Variants in PIK3R6 observed in about 807,000 individuals in gnomAD.
The protein encoded by PIK3R6 is phosphoinositide 3-kinase regulatory subunit 6.
In PIK3R6, 91 loss-of-function variants were observed where a neutral mutation model predicts 84.9. The observed-to-expected ratio is 1.07, with a 90% CI of 0.90 to 1.28. The LOEUF (loss-of-function observed/expected upper bound fraction) is 1.28. Among genes scored for constraint, PIK3R6 ranks in the 50% most tolerant of loss-of-function variants. The pLI is 0.00. For synonymous variants in PIK3R6, 416 were observed against 411.4 expected (o/e 1.01, Z -0.13); for missense variants, 996 against 985.1 (o/e 1.01, Z -0.15).
chr17:8,857,405 C>T (rs2089167254), intron 1 of PIK3R6, among the ~76,000 whole-genome samples: 1 of 152,184 alleles, frequency 6.6e-6, no homozygotes, highest in Admixed American at 6.5e-5. Context: ...GGGGTCATGG[C>T]CACTTCCCCT....
At position 8,838,245 on chromosome 17, in the gene PIK3R6, G is replaced by A. The variant is rs1408724841; in HGVS notation, c.189+319C>T. 1.6e-5 allele frequency: 7 copies of A among 433,770 alleles called. No individual in the cohort carries two copies. In the East Asian group the frequency reaches 2.2e-4, roughly 14 times the overall value. 26.9% of individuals were successfully genotyped at this position (433,770 alleles called of 1,614,324 possible). A position where few individuals can be genotyped will look rare whatever the true frequency, so the allele number is the denominator to read the frequency against. On this transcript the variant is annotated intron_variant, in intron 4 of 19. Transcript: ENST00000619866. ...GTGTGAAGGAGAATTTAGGTGGCCC[G>A]AGGATAATTTTGAGAAACGTCAATA...
At chr17:8,826,592 A>T (rs1365242626) in intron 13 of PIK3R6, among the ~76,000 whole-genome samples, 2 of 152,152 alleles carry the variant, frequency 1.3e-5, no homozygotes, top group African/African-American at 4.8e-5. Context: ...ACACATGGAC[A>T]CAGGGAGTGG....
chr17:8,809,793 GACATTT>G (rs2151177636), intron 18 of PIK3R6, among the ~76,000 whole-genome samples: 1 of 152,166 alleles, frequency 6.6e-6, no homozygotes, highest in South Asian at 2.1e-4. Flanking sequence ...AACTGTTAAA[GACATTT>G]ACACTCTAAG....
chr17:8,807,571 G>T (rs909740162), intron 18 of PIK3R6, among the ~76,000 whole-genome samples: 2 of 152,114 alleles, frequency 1.3e-5, no homozygotes, highest in Non-Finnish European at 2.9e-5. Flanking sequence ...GTCTCAACTT[G>T]TAGGATGAGT....
chr17:8,819,955 AT>A (rs71361825), intron 17 of PIK3R6, among the ~76,000 whole-genome samples: 32,134 of 135,518 alleles, frequency 0.24, 4,053 homozygotes, highest in East Asian at 0.42. Flanking sequence ...ATATATATAT[AT>A]TTTTTTTTTG....
At position 8,844,160 on chromosome 17, in the gene PIK3R6, T is replaced by G. The variant is rs2088761304; in HGVS notation, c.14-4463A>C. Reference sequence around the variant, plus strand: ...CTCTGATGCCACAGCAAAGGTCTCCTGAGCCATCTTCACCAGAGCACGAGA... The same window carrying G: ...CTCTGATGCCACAGCAAAGGTCTCCGGAGCCATCTTCACCAGAGCACGAGA... On this transcript the variant is annotated intron_variant, in intron 2 of 19. Coordinates refer to ENST00000619866, the MANE Select transcript of PIK3R6 (RefSeq NM_001010855.4). The surrounding 1 kb of genome is among the most constrained non-coding windows in gnomAD (Gnocchi z 4.5). Among the ~76,000 whole-genome samples, 1 of 152,242 alleles carries G rather than the reference T, an allele frequency of 6.6e-6. No homozygotes were observed. The highest frequency in any genetic ancestry group is 2.4e-5 in the African/African-American group (1 of 41,472).
Position 8,822,993 on chromosome 17 carries a change from T to G in PIK3R6, c.1717+3A>C. The G allele has an allele frequency of 6.3e-7, 1 of 1,593,880 alleles. No homozygotes were observed. Among genetic ancestry groups the G allele is most frequent in the Non-Finnish European group, 8.6e-7 (1 of 1,161,650 alleles). ...CTTTGGCAAAAGGGAGGCAGATGCT[T>G]ACCTTTGGGGAATTTAGAATCTTGG... On this transcript the variant is annotated splice_donor_region_variant and intron_variant, in intron 15 of 19. Coordinates refer to ENST00000619866, the MANE Select transcript of PIK3R6 (RefSeq NM_001010855.4).
Position 8,819,088 on chromosome 17 carries a change from A to T in PIK3R6, c.1990T>A (p.Phe664Ile). ...VKSSNLAGKS[F>I]STVTNTFRTN... Reference sequence around the variant, plus strand: ...CCAGTCTACTCAGTACTTACAGAGAAGGACTTTCCCGCCAAGTTGGAGGAC... The same window carrying T: ...CCAGTCTACTCAGTACTTACAGAGATGGACTTTCCCGCCAAGTTGGAGGAC... The change falls in exon 18 of 20, where the codon TTC (phenylalanine) becomes ATC (isoleucine). Residue 664 changes from phenylalanine (F) to isoleucine (I), a missense_variant. Phe to Ile is a conservative substitution (Grantham distance 21). Coordinates refer to ENST00000619866, the MANE Select transcript of PIK3R6 (RefSeq NM_001010855.4). 6.3e-7 allele frequency: 1 copy of T among 1,598,508 alleles called. No individual in the cohort carries two copies. Among genetic ancestry groups the T allele is most frequent in the Non-Finnish European group, 8.5e-7 (1 of 1,171,908 alleles).
At chr17:8,805,826 G>T (rs574604345) in intron 18 of PIK3R6, among the ~76,000 whole-genome samples, 32 of 152,210 alleles carry the variant, frequency 2.1e-4, no homozygotes, top group African/African-American at 7.2e-4. Flanking sequence ...GCTGAGGCAG[G>T]AGGATCGCTT....
chr17:8,828,076 C>A, intron 12 of PIK3R6, 36 bp downstream of exon 12: 1 of 1,603,402 alleles, frequency 6.2e-7, no homozygotes. Flanking sequence ...CCTGCCCTGT[C>A]TCTGCCCCGC....
At chr17:8,843,386 C>T (rs75565283) in intron 2 of PIK3R6, among the ~76,000 whole-genome samples, 3,299 of 152,114 alleles carry the variant, frequency 0.022, 61 homozygotes, top group Middle Eastern at 0.031. Context: ...AAAACTGTGA[C>T]AAATGTGATT....
chr17:8,834,908 G>A (rs1439389823), intron 8 of PIK3R6, among the ~76,000 whole-genome samples: 1 of 152,058 alleles, frequency 6.6e-6, no homozygotes, highest in Non-Finnish European at 1.5e-5. Flanking sequence ...CACAATCTTG[G>A]CTCACTGCAA....
At chr17:8,834,862 G>A (rs2088398100) in intron 8 of PIK3R6, among the ~76,000 whole-genome samples, 1 of 151,722 alleles carries the variant, frequency 6.6e-6, no homozygotes, top group African/African-American at 2.4e-5. Context: ...TTTGGAAATG[G>A]AGTCTCTCTC....
intron 10 of PIK3R6, among the ~76,000 whole-genome samples, chr17:8,829,292 G>A (rs911462644): frequency 2.7e-5 from 3 of 112,770 alleles, no homozygotes; most frequent in Non-Finnish European, 5.4e-5. Context: ...CACGCATCAT[G>A]CATACACACA....
At chr17:8,857,077 C>T (rs973732615) in intron 1 of PIK3R6, among the ~76,000 whole-genome samples, 1 of 138,210 alleles carries the variant, frequency 7.2e-6, no homozygotes, top group Non-Finnish European at 1.6e-5. Context: ...CCTGAACATC[C>T]TGTCCAAAAT....
intron 18 of PIK3R6, among the ~76,000 whole-genome samples, chr17:8,812,729 C>T (rs908143800): frequency 2.2e-4 from 34 of 151,986 alleles, no homozygotes; most frequent in African/African-American, 8.2e-4. Context: ...CACAACATAC[C>T]AAAACCTCTG....
chr17:8,843,403 C>G (rs886703242), intron 2 of PIK3R6, among the ~76,000 whole-genome samples: 3 of 152,096 alleles, frequency 2.0e-5, no homozygotes, highest in Non-Finnish European at 4.4e-5. Context: ...GATTTCCTCT[C>G]ATTCCCCTCA....
chr17:8,828,435 T>G, intron 11 of PIK3R6, 132 bp downstream of exon 11: 1 of 1,198,262 alleles, frequency 8.3e-7, no homozygotes, highest in Admixed American at 2.3e-5. Flanking sequence ...CTGTGCGGCA[T>G]CCTCCTCCGT....
At chr17:8,851,878 G>A (rs1046543255) in intron 1 of PIK3R6, among the ~76,000 whole-genome samples, 4 of 152,182 alleles carry the variant, frequency 2.6e-5, no homozygotes, top group African/African-American at 4.8e-5. Context: ...TCCATCAACA[G>A]AGAAGCAATG....
Sources: allele counts gnomAD v4.1 joint callset (sites outside exome capture counted in the v4.1 genomes callset), GRCh38; gene constraint gnomAD v4.1.1; non-coding constraint Gnocchi (gnomAD v3.1); transcripts MANE v1.5; gene names NCBI Gene and HGNC (gene_info 2026-07-23, HGNC 2026-07-21).